Variants in SLC15A5 observed in about 807,000 individuals in gnomAD.
SLC15A5 encodes the protein solute carrier family 15 member 5.
A neutral mutation model predicts 56.1 loss-of-function variants in SLC15A5; 58 were observed. The ratio of observed to expected loss-of-function variants is 1.03; its 90% CI spans 0.84 to 1.29. The LOEUF (loss-of-function observed/expected upper bound fraction) is 1.29, where lower values mean the gene tolerates loss of function less well. SLC15A5 is among the 50% of genes most tolerant of loss of function. The probability of loss-of-function intolerance (pLI) is 0.00; values close to 1 mark genes in which losing one functional copy is unlikely to be tolerated. For synonymous variants in SLC15A5, 264 were observed against 250.5 expected, an observed-to-expected ratio of 1.05 and a Z score of -0.51; for missense variants, 681 against 672.1, an observed-to-expected ratio of 1.01 and a Z score of -0.15.
At chr12:16,264,172 G>A (rs543911509) in intron 2 of SLC15A5, among the ~76,000 whole-genome samples, 1 of 152,330 alleles carries the variant, frequency 6.6e-6, no homozygotes, top group African/African-American at 2.4e-5. Context: ...ACCCTGCAAA[G>A]CCACAGGGGC....
Position 16,214,209 on chromosome 12 carries a change from AT to A in SLC15A5, c.1483+2683del, listed in dbSNP as rs1414698727. Reference sequence around the variant, plus strand: ...TCCTACTATACTATATAGATTCCCAATAAAAATTTAGATTTTCAGTGAAATG... The same window carrying A: ...TCCTACTATACTATATAGATTCCCAAAAAAATTTAGATTTTCAGTGAAATG... On this transcript the variant is annotated intron_variant, in intron 7 of 8. Transcript: ENST00000344941. Among the ~76,000 whole-genome samples, 3 of 152,262 alleles carry A rather than the reference AT, an allele frequency of 2.0e-5. No homozygotes were observed. The East Asian group carries it at 5.8e-4, about 29-fold the overall frequency.
At chr12:16,207,774 C>T (rs1423200278) in intron 7 of SLC15A5, among the ~76,000 whole-genome samples, 1 of 152,000 alleles carries the variant, frequency 6.6e-6, no homozygotes, top group East Asian at 1.9e-4. Flanking sequence ...CTGTCTCATC[C>T]TCCCAAGTAG....
At chr12:16,217,047 A>C (rs1192735613) in intron 6 of SLC15A5, 23 bp from the exon 7 acceptor site, 1 of 1,518,824 alleles carries the variant, frequency 6.6e-7, no homozygotes, top group African/African-American at 1.4e-5. Context: ...GAGAGGTCAG[A>C]ATTTAGAACT....
intron 3 of SLC15A5, among the ~76,000 whole-genome samples, chr12:16,256,166 G>C (rs1170911302): frequency 6.6e-6 from 1 of 152,138 alleles, no homozygotes; most frequent in East Asian, 1.9e-4. Flanking sequence ...TCTATAGATA[G>C]AAGGAAATAA....
chr12:16,258,862 C>T (rs747726598), intron 2 of SLC15A5, among the ~76,000 whole-genome samples: 24 of 151,972 alleles, frequency 1.6e-4, no homozygotes, highest in Non-Finnish European at 1.3e-4. Flanking sequence ...AGTGATATCC[C>T]ATAATCTTTC....
chr12:16,259,706 A>T (rs1864621069), intron 2 of SLC15A5, among the ~76,000 whole-genome samples: 1 of 152,140 alleles, frequency 6.6e-6, no homozygotes, highest in African/African-American at 2.4e-5. Flanking sequence ...ATAAGTGGAG[A>T]GTTGAATTTT....
chr12:16,193,384 A>G (rs909541469), intron 8 of SLC15A5, among the ~76,000 whole-genome samples: 3 of 152,026 alleles, frequency 2.0e-5, no homozygotes, highest in Admixed American at 6.6e-5. Context: ...ATGCTGGACC[A>G]TAAGCCCAAT....
At position 16,269,643 on chromosome 12, in the gene SLC15A5, G is replaced by T. The variant is rs1402376633; in HGVS notation, c.584+2918C>A. ...TTCAGATACCATGTAGAGTCAATTTGAGTACCAGATAGTCAACATTTCTGG... is the reference window on the plus strand; with the variant it reads ...TTCAGATACCATGTAGAGTCAATTTTAGTACCAGATAGTCAACATTTCTGG... On this transcript the variant is annotated intron_variant, in intron 2 of 8. Coordinates refer to ENST00000344941, the MANE Select transcript of SLC15A5 (RefSeq NM_001170798.1). This position sits in a 1 kb window ranked among gnomAD's most constrained non-coding sequence, Gnocchi z 4.7. Among the ~76,000 whole-genome samples, 14 of 152,292 alleles carry T rather than the reference G, an allele frequency of 9.2e-5. No individual in the cohort carries two copies. The South Asian group carries it at 2.7e-3, about 29-fold the overall frequency.
chr12:16,272,517 G>A, intron 2 of SLC15A5, 44 bp downstream of exon 2: 1 of 1,506,118 alleles, frequency 6.6e-7, no homozygotes. Flanking sequence ...TAAACAGTGA[G>A]AATGGTCATA....
intron 3 of SLC15A5, among the ~76,000 whole-genome samples, chr12:16,253,458 C>A (rs1864539171): frequency 6.6e-6 from 1 of 151,976 alleles, no homozygotes; most frequent in African/African-American, 2.4e-5. Flanking sequence ...CCTCAAATAA[C>A]CTGTTTAAAA....
Position 16,263,398 on chromosome 12 carries a change from G to T in SLC15A5, c.585-5528C>A, listed in dbSNP as rs61916970. 5.7e-3 allele frequency among the ~76,000 whole-genome samples: 873 copies of T among 152,080 alleles called. 9 individuals carry two copies. Among genetic ancestry groups the T allele is most frequent in the African/African-American group, 0.019 (808 of 41,478 alleles). ...TTTCTAAGCAGCAAAGCATTCAAGC[G>T]GTGACTTGGGTGCTGTTAAAGGCAT... On this transcript the variant is annotated intron_variant, in intron 2 of 8. Transcript: ENST00000344941.
rs188673221 is a variant in SLC15A5 at position 16,248,141 on chromosome 12, G to A, written c.755-3341C>T. Among the ~76,000 whole-genome samples, 4 of 152,260 alleles carry A rather than the reference G, an allele frequency of 2.6e-5. No individual in the cohort carries two copies. In the East Asian group the frequency reaches 7.7e-4, roughly 29 times the overall value. ...TTGAGAGGGAGAAAACAAGAAGCTG[G>A]TGTGTAGTTAGCTGAATCAGGAGTT... On this transcript the variant is annotated intron_variant, in intron 3 of 8. Coordinates refer to ENST00000344941, the MANE Select transcript of SLC15A5 (RefSeq NM_001170798.1).
chr12:16,233,477 A>C (rs547435061), intron 5 of SLC15A5, among the ~76,000 whole-genome samples: 4 of 152,344 alleles, frequency 2.6e-5, no homozygotes, highest in African/African-American at 7.2e-5. Flanking sequence ...ATCAGTTGCA[A>C]ATGTTCATCT....
intron 1 of SLC15A5, among the ~76,000 whole-genome samples, chr12:16,273,577 T>G (rs1286577638): frequency 6.6e-6 from 1 of 152,046 alleles, no homozygotes; most frequent in Non-Finnish European, 1.5e-5. Context: ...TATTGTTTCA[T>G]CTTGGAAAAA....
At chr12:16,219,584 A>G (rs1181015181) in intron 6 of SLC15A5, among the ~76,000 whole-genome samples, 1 of 152,080 alleles carries the variant, frequency 6.6e-6, no homozygotes, top group Non-Finnish European at 1.5e-5. Flanking sequence ...TCATGAACAC[A>G]CTTTGCCAGC....
chr12:16,273,718 C>T (rs1040399745), intron 1 of SLC15A5, among the ~76,000 whole-genome samples: 1 of 143,478 alleles, frequency 7.0e-6, no homozygotes, highest in South Asian at 2.2e-4. Context: ...GACCTCCTAC[C>T]ATCAAGTAGT....
chr12:16,207,971 A>T (rs911110107), intron 7 of SLC15A5, among the ~76,000 whole-genome samples: 1 of 151,960 alleles, frequency 6.6e-6, no homozygotes, highest in Non-Finnish European at 1.5e-5. Context: ...CGATCTTAAC[A>T]CTTGTCTTCT....
Position 16,272,711 on chromosome 12 carries a change from T to C in SLC15A5, c.434A>G (p.Asn145Ser). ...CCTGTGCTGCTCTGTTTTTGGTATGTTGTTAACTGCATGGTAAGTGCCCAG... is the reference window on the plus strand; with the variant it reads ...CCTGTGCTGCTCTGTTTTTGGTATGCTGTTAACTGCATGGTAAGTGCCCAG... ...FYLGTYHAVN[N>S]IPKTEQHRLF... Residue 145 changes from asparagine (N) to serine (S), a missense_variant, in exon 2 of 9, where the codon AAC becomes AGC. Transcript: ENST00000344941. 1 of 1,537,288 alleles carries C rather than the reference T, an allele frequency of 6.5e-7. No homozygotes were observed. The highest frequency in any genetic ancestry group is 8.7e-7 in the Non-Finnish European group (1 of 1,146,792).
intron 7 of SLC15A5, among the ~76,000 whole-genome samples, chr12:16,199,997 T>C (rs917223904): frequency 5.3e-5 from 8 of 152,026 alleles, no homozygotes; most frequent in African/African-American, 1.9e-4. Context: ...TCACTTTAAC[T>C]GTAGACTTTA....
Sources: allele counts gnomAD v4.1 joint callset (sites outside exome capture counted in the v4.1 genomes callset), GRCh38; gene constraint gnomAD v4.1.1; non-coding constraint Gnocchi (gnomAD v3.1); transcripts MANE v1.5; gene names NCBI Gene and HGNC (gene_info 2026-07-23, HGNC 2026-07-21).